Variants in EPG5 observed in about 807,000 individuals in gnomAD.
The protein encoded by EPG5 is ectopic P-granules 5 autophagy tethering factor.
EPG5 carries 159 observed loss-of-function variants against 302.7 expected under a neutral mutation model. The observed-to-expected ratio is 0.53, with a 90% CI of 0.46 to 0.60. The LOEUF is 0.60. Among genes scored for constraint, EPG5 ranks in the 20% least tolerant of loss-of-function variants. The probability of loss-of-function intolerance (pLI) is 0.00; values close to 1 mark genes in which losing one functional copy is unlikely to be tolerated. For missense variants in EPG5, 2,896 were observed against 3,092.4 expected, an observed-to-expected ratio of 0.94 and a Z score of 1.51; for synonymous variants, 1,158 against 1,136.8, an observed-to-expected ratio of 1.02 and a Z score of -0.37.
At chr18:45,885,942 T>G (rs995291805) in intron 29 of EPG5, among the ~76,000 whole-genome samples, 1 of 152,112 alleles carries the variant, frequency 6.6e-6, no homozygotes, top group East Asian at 1.9e-4. Context: ...AAAAGGCATA[T>G]AACTTAACAA....
chr18:45,903,877 C>T, intron 25 of EPG5, 96 bp downstream of exon 25: 1 of 1,276,696 alleles, frequency 7.8e-7, no homozygotes, highest in Admixed American at 3.2e-5. Flanking sequence ...GAAAAATGAA[C>T]ACTGGGGGAA....
At chr18:45,863,253 T>C (rs55727210) in intron 39 of EPG5, among the ~76,000 whole-genome samples, 3,379 of 152,328 alleles carry the variant, frequency 0.022, 68 homozygotes, top group Non-Finnish European at 0.035. Flanking sequence ...TTAACAATCT[T>C]TGTCTTTTAA....
At chr18:45,857,056 C>T (rs1430482810) in intron 42 of EPG5, among the ~76,000 whole-genome samples, 3 of 151,988 alleles carry the variant, frequency 2.0e-5, no homozygotes, top group African/African-American at 4.8e-5. Flanking sequence ...GTAGCTGGGA[C>T]TACAGGTGCT....
At position 45,915,583 on chromosome 18, in the gene EPG5, T is replaced by C. The variant is rs2145708634; in HGVS notation, c.3621A>G (p.Ser1207=). Residue 1207 remains serine (S), a synonymous_variant, in exon 20 of 44, where the codon TCA becomes TCG. Coordinates refer to ENST00000282041, the MANE Select transcript of EPG5 (RefSeq NM_020964.3). ...CTGCCACAATCCAGCTTACCAAAGA[T>C]GAGAGCAGACTCCGGTCACAGTGGT... ...LGYHCDRSLL[S]SLVSWIVAGN... is the part of the protein sequence containing the mutation. The C allele has an allele frequency of 6.2e-7, 1 of 1,614,126 alleles. No homozygotes were observed.
chr18:45,879,086 G>A lies in EPG5; in HGVS notation c.5796C>T (p.Gly1932=). 6.2e-7 allele frequency: 1 copy of A among 1,614,094 alleles called. No homozygotes were observed. Among genetic ancestry groups the A allele is most frequent in the Non-Finnish European group, 8.5e-7 (1 of 1,179,996 alleles). The change falls in exon 33 of 44, where the codon GGC becomes GGT. Residue 1932 remains glycine, a synonymous_variant. Coordinates refer to ENST00000282041, the MANE Select transcript of EPG5 (RefSeq NM_020964.3). ...PYMADVKTFL[G]YLVKRLIDLE... ...AGTCAATCAGCCTTTTCACAAGGTA[G>A]CCCAAGAATGTCTTCACATCAGCCA...
intron 22 of EPG5, among the ~76,000 whole-genome samples, chr18:45,911,320 C>T (rs1268183071): frequency 6.0e-5 from 9 of 150,154 alleles, no homozygotes; most frequent in African/African-American, 2.2e-4. Context: ...GACTCTTGCT[C>T]TGTCACCCAG....
chr18:45,894,167 A>C (rs2049415651), intron 27 of EPG5, among the ~76,000 whole-genome samples: 1 of 152,156 alleles, frequency 6.6e-6, no homozygotes, highest in Admixed American at 6.5e-5. Flanking sequence ...TGTACTAAAA[A>C]AATTAAAACA....
chr18:45,862,615 T>G (rs574842730), intron 39 of EPG5, among the ~76,000 whole-genome samples: 3 of 152,182 alleles, frequency 2.0e-5, no homozygotes, highest in African/African-American at 7.2e-5. Flanking sequence ...CCCCCCTTGC[T>G]CATTCTCTCT....
chr18:45,835,598 T>C, the EPG5 span, among the ~76,000 whole-genome samples: 96 of 152,256 alleles, frequency 6.3e-4, no homozygotes, highest in Admixed American at 1.4e-3. Context: ...AAGGGTGTGA[T>C]ACTGTACTTC....
At chr18:45,884,380 G>A (rs1351764248) in intron 30 of EPG5, among the ~76,000 whole-genome samples, 2 of 152,070 alleles carry the variant, frequency 1.3e-5, no homozygotes, top group Non-Finnish European at 2.9e-5. Flanking sequence ...CCATAAAACC[G>A]GTCCCTGGTG....
chr18:45,884,864 A>G, intron 29 of EPG5, 53 bp from the exon 30 acceptor site: 2 of 1,358,728 alleles, frequency 1.5e-6, no homozygotes, highest in Non-Finnish European at 1.9e-6. Context: ...CACAACCTTT[A>G]TTTAAGCAAG....
At chr18:45,859,577 C>T (rs1352339523) in intron 40 of EPG5, among the ~76,000 whole-genome samples, 1 of 152,182 alleles carries the variant, frequency 6.6e-6, no homozygotes, top group African/African-American at 2.4e-5. Flanking sequence ...CAGAGTCTGA[C>T]AGTTTAGAGG....
At chr18:45,948,866 A>T (rs74654986) in intron 5 of EPG5, among the ~76,000 whole-genome samples, 1 of 152,204 alleles carries the variant, frequency 6.6e-6, no homozygotes, top group Non-Finnish European at 1.5e-5. Context: ...AACAAAAAAA[A>T]TCCTCCTTCT....
downstream of EPG5, among the ~76,000 whole-genome samples, chr18:45,846,521 CAAAAAAAAAAA>C (rs67294951): frequency 1.4e-3 from 64 of 46,376 alleles, no homozygotes; most frequent in South Asian, 5.1e-3. Flanking sequence ...AACTCCCTCT[CAAAAAAAAAAA>C]AAAAAAAAAA....
In EPG5 at chr18:45,851,752, A is replaced by C. The variant is rs573732913; in HGVS notation, c.*715T>G. The C allele has an allele frequency of 3.3e-5, 5 of 152,416 alleles. No individual in the cohort carries two copies. The highest frequency in any genetic ancestry group is 9.6e-5 in the African/African-American group (4 of 41,588). The allele number at this position is 152,416 out of a possible 1,614,324, so 9.4% of individuals were successfully genotyped here. On this transcript the variant is annotated 3_prime_UTR_variant, in exon 44 of 44. Coordinates refer to ENST00000282041, the MANE Select transcript of EPG5 (RefSeq NM_020964.3). ...GCACTCCTCACCAAGTGGACCAAAC[A>C]AAACATCTGTGCAAAACATGCTCCT...
chr18:45,869,850 G>A (rs936881697), intron 36 of EPG5, among the ~76,000 whole-genome samples: 5 of 151,166 alleles, frequency 3.3e-5, no homozygotes, highest in Non-Finnish European at 7.4e-5. Flanking sequence ...AAATGTGACA[G>A]TAAGAGTAAA....
At chr18:45,915,068 G>A (rs1359799420) in intron 20 of EPG5, among the ~76,000 whole-genome samples, 1 of 151,842 alleles carries the variant, frequency 6.6e-6, no homozygotes, top group Non-Finnish European at 1.5e-5. Context: ...CACCTGAGGT[G>A]AGGAGTTCGA....
chr18:45,867,583 C>T lies in EPG5; in HGVS notation c.6391G>A (p.Val2131Ile), dbSNP rs1385232197. Residue 2131 changes from valine to isoleucine, a missense_variant, in exon 37 of 44, where the codon GTT becomes ATT. Coordinates refer to ENST00000282041, the MANE Select transcript of EPG5 (RefSeq NM_020964.3). ...LFMMILLAKE[V>I]QLVDQTDSPL... ...CTTACTGTTTGGTCTACCAGTTGAACTTCCTTTGCCAATAAAATCATCATG... is the reference window on the plus strand; with the variant it reads ...CTTACTGTTTGGTCTACCAGTTGAATTTCCTTTGCCAATAAAATCATCATG... 1 of 1,613,958 alleles carries T rather than the reference C, an allele frequency of 6.2e-7. No homozygotes were observed.
At chr18:45,950,799 C>G (rs989841774) in intron 4 of EPG5, among the ~76,000 whole-genome samples, 20 of 152,178 alleles carry the variant, frequency 1.3e-4, no homozygotes, top group African/African-American at 3.9e-4. Flanking sequence ...CAACCTGTAC[C>G]TATATTCTGA....
Sources: allele counts gnomAD v4.1 joint callset (sites outside exome capture counted in the v4.1 genomes callset), GRCh38; gene constraint gnomAD v4.1.1; transcripts MANE v1.5; gene names NCBI Gene and HGNC (gene_info 2026-07-23, HGNC 2026-07-21).